SLC15A5: variants seen among roughly 807,000 people sequenced by gnomAD.
The protein encoded by SLC15A5 is Peptide/histidine transporter ENSP00000340402.
A neutral mutation model predicts 56.1 loss-of-function variants in SLC15A5; 58 were observed. The ratio of observed to expected loss-of-function variants is 1.03; its 90% CI spans 0.84 to 1.29. SLC15A5 has a LOEUF of 1.29. Ranked by LOEUF, SLC15A5 falls within the 50% of genes most tolerant of loss-of-function variation. SLC15A5 has a pLI of 0.00. For missense variants in SLC15A5, 681 were observed against 672.1 expected (o/e 1.01, Z -0.15); for synonymous variants, 264 against 250.5 (o/e 1.05, Z -0.51).
At chr12:16,258,144 A>G (rs1197500677) in intron 2 of SLC15A5, among the ~76,000 whole-genome samples, 1 of 152,152 alleles carries the variant, frequency 6.6e-6, no homozygotes, top group African/African-American at 2.4e-5. Context: ...ATTTTTCTCT[A>G]AAGGGCTGAA....
chr12:16,229,944 A>G (rs536396479), intron 5 of SLC15A5, among the ~76,000 whole-genome samples: 1 of 152,306 alleles, frequency 6.6e-6, no homozygotes, highest in South Asian at 2.1e-4. Context: ...AGAAGTTAGC[A>G]GGATCACAGG....
chr12:16,277,006 T>A (rs917370183), intron 1 of SLC15A5, among the ~76,000 whole-genome samples: 1 of 152,012 alleles, frequency 6.6e-6, no homozygotes, highest in African/African-American at 2.4e-5. Flanking sequence ...GAATTTGTCA[T>A]GAATTTAGGC....
chr12:16,219,564 G>A (rs957350675), intron 6 of SLC15A5, among the ~76,000 whole-genome samples: 3 of 152,012 alleles, frequency 2.0e-5, no homozygotes, highest in African/African-American at 4.8e-5. Context: ...CTTCTGGTAC[G>A]GTATATAATT....
At chr12:16,216,677 C>G (rs1379221023) in intron 7 of SLC15A5, among the ~76,000 whole-genome samples, 1 of 152,150 alleles carries the variant, frequency 6.6e-6, no homozygotes, top group Non-Finnish European at 1.5e-5. Flanking sequence ...GACAGCATGA[C>G]ATTCTGTAAT....
intron 2 of SLC15A5, among the ~76,000 whole-genome samples, chr12:16,259,342 ACTCC>A (rs1489621261): frequency 9.3e-6 from 1 of 107,220 alleles, no homozygotes; most frequent in East Asian, 2.5e-4. Context: ...TTCCTCCCTC[ACTCC>A]CTCCCTCTCT....
At chr12:16,248,681 G>T (rs1240705157) in intron 3 of SLC15A5, among the ~76,000 whole-genome samples, 1 of 151,982 alleles carries the variant, frequency 6.6e-6, no homozygotes, top group African/African-American at 2.4e-5. Flanking sequence ...CCACTTCCTT[G>T]GATTAATCCA....
At position 16,273,241 on chromosome 12, in the gene SLC15A5, A is replaced by G. The variant is rs1312116533; in HGVS notation, c.362-458T>C. 4.6e-5 allele frequency among the ~76,000 whole-genome samples: 7 copies of G among 152,114 alleles called. No individual in the cohort carries two copies. The East Asian group carries it at 1.4e-3, about 29-fold the overall frequency. On this transcript the variant is annotated intron_variant, in intron 1 of 8. Coordinates refer to ENST00000344941, the MANE Select transcript of SLC15A5 (RefSeq NM_001170798.1). ...TTATTACCTAAAAGCTTTTAAGAAGAACATTATCAGAGTTAGAGGAGAACA... is the reference window on the plus strand; with the variant it reads ...TTATTACCTAAAAGCTTTTAAGAAGGACATTATCAGAGTTAGAGGAGAACA...
intron 7 of SLC15A5, among the ~76,000 whole-genome samples, chr12:16,200,604 A>G (rs1406891400): frequency 6.6e-6 from 1 of 152,126 alleles, no homozygotes; most frequent in African/African-American, 2.4e-5. Context: ...CATTAGAAAT[A>G]AACCAAACCT....
chr12:16,277,511 C>T lies in SLC15A5; in HGVS notation c.175G>A (p.Glu59Lys), dbSNP rs1214816601. 1 of 1,536,380 alleles carries T rather than the reference C, an allele frequency of 6.5e-7. No individual in the cohort carries two copies. Among genetic ancestry groups the T allele is most frequent in the South Asian group, 1.2e-5 (1 of 84,036 alleles). ...AAGGGGATCATGTTGCAGACGACTT[C>T]AAAGAACGTGAACCTCTCACACAGC... Reference protein sequence around the residue: ...VELCERFTFFEVVCNMIPFCT... With the variant: ...VELCERFTFFKVVCNMIPFCT... Residue 59 changes from glutamate to lysine, a missense_variant, in exon 1 of 9, where the codon GAA becomes AAA. Physicochemically the swap from Glu to Lys is moderately conservative, Grantham distance 56. Transcript: ENST00000344941.
chr12:16,265,596 A>G (rs949845103), intron 2 of SLC15A5, among the ~76,000 whole-genome samples: 5 of 152,128 alleles, frequency 3.3e-5, no homozygotes, highest in Admixed American at 2.6e-4. Context: ...CTCTTGCCTC[A>G]GCCTCCCGAG....
At chr12:16,258,569 A>G (rs1161894024) in intron 2 of SLC15A5, among the ~76,000 whole-genome samples, 3 of 152,212 alleles carry the variant, frequency 2.0e-5, no homozygotes, top group Non-Finnish European at 4.4e-5. Context: ...AAATTGACGT[A>G]AAATTAAATG....
chr12:16,228,403 A>C (rs1404359624), intron 5 of SLC15A5, among the ~76,000 whole-genome samples: 1 of 152,230 alleles, frequency 6.6e-6, no homozygotes, highest in Non-Finnish European at 1.5e-5. Flanking sequence ...GGTTTCAAGG[A>C]GGAGGATATA....
intron 5 of SLC15A5, among the ~76,000 whole-genome samples, chr12:16,225,193 T>C (rs1864229007): frequency 1.3e-5 from 2 of 152,208 alleles, no homozygotes; most frequent in Non-Finnish European, 2.9e-5. Flanking sequence ...AACATACATG[T>C]GCATGTGTAT....
At chr12:16,214,687 C>T (rs1015849492) in intron 7 of SLC15A5, among the ~76,000 whole-genome samples, 1 of 152,178 alleles carries the variant, frequency 6.6e-6, no homozygotes, top group Non-Finnish European at 1.5e-5. Flanking sequence ...GGAAGCTCCA[C>T]TTTTGGAACC....
intron 7 of SLC15A5, among the ~76,000 whole-genome samples, chr12:16,195,569 A>G (rs1470647818): frequency 6.6e-6 from 1 of 152,088 alleles, no homozygotes; most frequent in African/African-American, 2.4e-5. Flanking sequence ...ACAAGGTTTC[A>G]TCATTTCCTT....
At position 16,244,651 on chromosome 12, in the gene SLC15A5, C is replaced by T. The variant is rs1319111262; in HGVS notation, c.904G>A (p.Asp302Asn). 6.5e-7 allele frequency: 1 copy of T among 1,537,602 alleles called. No individual in the cohort carries two copies. Residue 302 changes from aspartate to asparagine, a missense_variant, in exon 4 of 9, where the codon GAC becomes AAC. Physicochemically the swap from Asp to Asn is conservative, Grantham distance 23. Coordinates refer to ENST00000344941, the MANE Select transcript of SLC15A5 (RefSeq NM_001170798.1). ...AGAAGGGTGAGGAAAAATGTTGTGT[C>T]TTCTACATGGAGCTCACTGTAGCAG... The part of the protein sequence containing the change: ...GGCYSELHVE[D>N]TTFFLTLLPL...
intron 2 of SLC15A5, among the ~76,000 whole-genome samples, chr12:16,270,746 T>A (rs1864744933): frequency 6.6e-6 from 1 of 152,176 alleles, no homozygotes; most frequent in South Asian, 2.1e-4. Context: ...AGCTGTCTGG[T>A]TGCCCAGTGG....
chr12:16,251,781 A>C (rs1169700622), intron 3 of SLC15A5, among the ~76,000 whole-genome samples: 7 of 49,758 alleles, frequency 1.4e-4, no homozygotes, highest in Non-Finnish European at 2.7e-4. Context: ...CAACTCTTCC[A>C]AAGACTCTAA....
At chr12:16,226,202 A>G (rs948441378) in intron 5 of SLC15A5, among the ~76,000 whole-genome samples, 1 of 152,186 alleles carries the variant, frequency 6.6e-6, no homozygotes, top group African/African-American at 2.4e-5. Context: ...TAGGTTACTT[A>G]TAATCCCTAA....
Sources: allele counts gnomAD v4.1 joint callset (sites outside exome capture counted in the v4.1 genomes callset), GRCh38; gene constraint gnomAD v4.1.1; transcripts MANE v1.5; gene names NCBI Gene and HGNC (gene_info 2026-07-23, HGNC 2026-07-21).